Variants in CACNA1D observed in about 807,000 individuals in gnomAD.
CACNA1D encodes calcium voltage-gated channel subunit alpha1 D, also known as voltage-dependent L-type calcium channel subunit alpha-1D.
In CACNA1D, 55 loss-of-function variants were observed where a neutral mutation model predicts 257.1. The observed-to-expected ratio is 0.21, with a 90% CI of 0.17 to 0.27. The LOEUF is 0.27. CACNA1D is among the 10% of genes least tolerant of loss of function. CACNA1D has a pLI of 1.00. For synonymous variants in CACNA1D, 980 were observed against 1,014.9 expected (o/e 0.97, Z 0.65); for missense variants, 1,876 against 2,784.0 (o/e 0.67, Z 7.34).
chr3:53,624,755 T>C (rs1315713528), intron 3 of CACNA1D, among the ~76,000 whole-genome samples: 1 of 152,218 alleles, frequency 6.6e-6, no homozygotes, highest in Non-Finnish European at 1.5e-5. Flanking sequence ...AAATAGAATT[T>C]CTGTGATAGT....
At chr3:53,565,032 A>C (rs866877345) in intron 3 of CACNA1D, among the ~76,000 whole-genome samples, 1 of 152,008 alleles carries the variant, frequency 6.6e-6, no homozygotes, top group Non-Finnish European at 1.5e-5. Flanking sequence ...ATTTTTTTCC[A>C]TGTGGATTAT....
Position 53,566,122 on chromosome 3 carries a change from T to A in CACNA1D, c.483+64402T>A, listed in dbSNP as rs139607326. 8.3e-4 allele frequency among the ~76,000 whole-genome samples: 127 copies of A among 152,346 alleles called. 1 individual carries two copies. The highest frequency in any genetic ancestry group is 2.9e-3 in the African/African-American group (122 of 41,576). ...AATTTATAAATGCCGTGTCTGAGAA[T>A]TTCTAGACAATGGGAAGACACCTCC... On this transcript the variant is annotated intron_variant, in intron 3 of 47. Transcript: ENST00000350061.
chr3:53,803,537 A>G lies in CACNA1D; in HGVS notation c.5550A>G (p.Glu1850=). Residue 1850 remains glutamate, a synonymous_variant, in exon 44 of 48, where the codon GAA becomes GAG. Transcript: ENST00000350061. ...AGCAGGAGTATTTCAGTAGTGAGGA[A>G]TGCTACGAGGATGACAGCTCGCCCA... ...LGEQEYFSSE[E]CYEDDSSPTW... 6.2e-7 allele frequency: 1 copy of G among 1,614,150 alleles called. No homozygotes were observed.
At chr3:53,692,285 G>A (rs952383383) in intron 8 of CACNA1D, among the ~76,000 whole-genome samples, 8 of 152,056 alleles carry the variant, frequency 5.3e-5, no homozygotes, top group African/African-American at 1.4e-4. Context: ...CTGCAAAAGC[G>A]GAGTTCTAAT....
chr3:53,640,271 A>G (rs1478303611), intron 3 of CACNA1D, among the ~76,000 whole-genome samples: 1 of 152,204 alleles, frequency 6.6e-6, no homozygotes, highest in Admixed American at 6.5e-5. Flanking sequence ...TGTAGGGCAC[A>G]TTCCCATTGC....
Position 53,800,178 on chromosome 3 carries a change from A to G in CACNA1D, c.4924-71A>G. ...CCCCACCGCTGAATCAGGAAGGAGC[A>G]AAGCCAGGACCCAGGCTGGCCCCAG... is the stretch of plus-strand genomic sequence containing the variant. On this transcript the variant is annotated intron_variant, in intron 40 of 47. Coordinates refer to ENST00000350061, the MANE Select transcript of CACNA1D (RefSeq NM_001128840.3). This position sits in a 1 kb window ranked among gnomAD's most constrained non-coding sequence, Gnocchi z 4.3. 3 of 1,107,376 alleles carry G rather than the reference A, an allele frequency of 2.7e-6. No homozygotes were observed. The South Asian group carries it at 3.7e-5, about 14-fold the overall frequency. 68.6% of individuals were successfully genotyped at this position (1,107,376 alleles called of 1,614,324 possible).
chr3:53,578,726 T>G (rs2093080969), intron 3 of CACNA1D, among the ~76,000 whole-genome samples: 2 of 152,312 alleles, frequency 1.3e-5, no homozygotes, highest in South Asian at 4.1e-4. Context: ...AGGGAAGGCC[T>G]CATGGGTGTG....
chr3:53,690,476 C>CA (rs1361338072), intron 8 of CACNA1D, among the ~76,000 whole-genome samples: 1 of 152,152 alleles, frequency 6.6e-6, no homozygotes, highest in Non-Finnish European at 1.5e-5. Flanking sequence ...GTGGATCTCT[C>CA]AGTCTCTGAG....
At chr3:53,806,199 CTCCCTCA>C (rs1443548181) in intron 45 of CACNA1D, among the ~76,000 whole-genome samples, 151 of 115,276 alleles carry the variant, frequency 1.3e-3, no homozygotes, top group East Asian at 2.3e-3. Flanking sequence ...CTCCTCCCTC[CTCCCTCA>C]TCTTCCCTCC....
chr3:53,507,452 CAAA>C (rs60741810), intron 3 of CACNA1D, among the ~76,000 whole-genome samples: 4 of 123,162 alleles, frequency 3.2e-5, no homozygotes. Context: ...CTCCCCCCGC[CAAA>C]AAAAAAAAAA....
At chr3:53,622,462 C>G (rs1187978799) in intron 3 of CACNA1D, among the ~76,000 whole-genome samples, 1 of 152,118 alleles carries the variant, frequency 6.6e-6, no homozygotes, top group Non-Finnish European at 1.5e-5. Flanking sequence ...CAAGATCATG[C>G]CCTTTGCAGG....
chr3:53,800,098 C>G lies in CACNA1D; in HGVS notation c.4924-151C>G. The G allele has an allele frequency of 1.3e-6, 1 of 750,948 alleles. No individual in the cohort carries two copies. Among genetic ancestry groups the G allele is most frequent in the South Asian group, 1.4e-5 (1 of 69,752 alleles). The allele number at this position is 750,948 out of a possible 1,614,324, so 46.5% of individuals were successfully genotyped here. On this transcript the variant is annotated intron_variant, in intron 40 of 47. Coordinates refer to ENST00000350061, the MANE Select transcript of CACNA1D (RefSeq NM_001128840.3). The surrounding 1 kb of genome is among the most constrained non-coding windows in gnomAD (Gnocchi z 4.3). Reference sequence around the variant, plus strand: ...CCTGACCATACCAACAACCCTTAGACTGCCTTCAGTGACATCAGTCAGTGC... The same window carrying G: ...CCTGACCATACCAACAACCCTTAGAGTGCCTTCAGTGACATCAGTCAGTGC...
chr3:53,587,567 G>A (rs187732066), intron 3 of CACNA1D, among the ~76,000 whole-genome samples: 1 of 152,314 alleles, frequency 6.6e-6, no homozygotes, highest in East Asian at 1.9e-4. Flanking sequence ...TGGTTCTGGA[G>A]CTCCAAAGAG....
At chr3:53,559,664 C>T (rs770821600) in intron 3 of CACNA1D, among the ~76,000 whole-genome samples, 35 of 152,148 alleles carry the variant, frequency 2.3e-4, no homozygotes, top group African/African-American at 4.6e-4. Context: ...CTTTTAGGGT[C>T]GGATCCACAA....
At chr3:53,675,625 G>C (rs769331062) in intron 8 of CACNA1D, among the ~76,000 whole-genome samples, 1 of 152,020 alleles carries the variant, frequency 6.6e-6, no homozygotes, top group Non-Finnish European at 1.5e-5. Flanking sequence ...TGGGCGGGGG[G>C]GCTTCCCACT....
Position 53,723,632 on chromosome 3 carries a change from G to A in CACNA1D, c.1865G>A (p.Arg622His), listed in dbSNP as rs2094903570. 3 of 1,613,900 alleles carry A rather than the reference G, an allele frequency of 1.9e-6. No homozygotes were observed. The highest frequency in any genetic ancestry group is 1.7e-6 in the Non-Finnish European group (2 of 1,179,992). Residue 622 changes from arginine to histidine, a missense_variant, in exon 13 of 48, where the codon CGC (arginine) becomes CAC (histidine). Around this residue, in one of 10 missense-constraint regions of CACNA1D, gnomAD observed 257 missense variants for 399.7 expected, o/e 0.64. Transcript: ENST00000350061. The surrounding 1 kb of genome is among the most constrained non-coding windows in gnomAD (Gnocchi z 5.6). ...PLGISVFRCVRLLRIFKVTRH... is the reference protein window; with the variant it reads ...PLGISVFRCVHLLRIFKVTRH... The stretch of plus-strand genomic sequence containing the variant: ...GGGATCTCTGTGTTTCGGTGTGTGC[G>A]CCTCTTAAGAATCTTCAAAGTGACC...
chr3:53,512,905 A>G (rs936106568), intron 3 of CACNA1D, among the ~76,000 whole-genome samples: 3 of 152,206 alleles, frequency 2.0e-5, no homozygotes, highest in African/African-American at 7.2e-5. Flanking sequence ...GCTTAATTTC[A>G]TAAAATACTT....
rs1576728323 is a variant in CACNA1D at position 53,805,038 on chromosome 3, C to A, written c.5641C>A (p.Pro1881Thr). 1 of 1,613,974 alleles carries A rather than the reference C, an allele frequency of 6.2e-7. No individual in the cohort carries two copies. Among genetic ancestry groups the A allele is most frequent in the African/African-American group, 1.3e-5 (1 of 74,918 alleles). The change falls in exon 45 of 48, where the codon CCC (proline) becomes ACC (threonine). Residue 1881 changes from proline to threonine, a missense_variant. Around this residue, in one of 10 missense-constraint regions of CACNA1D, gnomAD observed 491 missense variants for 554.3 expected, o/e 0.89. Coordinates refer to ENST00000350061, the MANE Select transcript of CACNA1D (RefSeq NM_001128840.3). ...AGGCAGAAACATCGACTCTGAGAGG[C>A]CCCGAGGCTACCATCATCCCCAAGG... ...YPGRNIDSER[P>T]RGYHHPQGFL...
rs1248341253 is a variant in CACNA1D, at chr3:53,811,444, G to C, written c.*38G>C. The C allele has an allele frequency of 6.7e-7, 1 of 1,494,832 alleles. No individual in the cohort carries two copies. The highest frequency in any genetic ancestry group is 1.4e-5 in the African/African-American group (1 of 71,088). The allele number at this position is 1,494,832 out of a possible 1,614,324, so 92.6% of individuals were successfully genotyped here. On this transcript the variant is annotated 3_prime_UTR_variant, in exon 48 of 48. Coordinates refer to ENST00000350061, the MANE Select transcript of CACNA1D (RefSeq NM_001128840.3). The surrounding 1 kb of genome is among the most constrained non-coding windows in gnomAD (Gnocchi z 4.2). ...GGCAGACTGGCTCTGGCCTCAGGTG[G>C]GGCGCAGGAGAGCCAGGGGAAAAGT... is the stretch of plus-strand genomic sequence containing the variant.
Sources: allele counts gnomAD v4.1 joint callset (sites outside exome capture counted in the v4.1 genomes callset), GRCh38; gene constraint gnomAD v4.1.1; regional missense constraint gnomAD v4.1.1; non-coding constraint Gnocchi (gnomAD v3.1); transcripts MANE v1.5; gene names NCBI Gene and HGNC (gene_info 2026-07-23, HGNC 2026-07-21).